Variants in TENM1 observed in about 807,000 individuals in gnomAD.
TENM1 encodes teneurin transmembrane protein 1.
Under a neutral mutation model 174.8 loss-of-function variants are expected in TENM1, and 35 were observed. The observed-to-expected ratio is 0.20, with a 90% confidence interval of 0.15 to 0.27. The LOEUF is 0.27. Ranked by LOEUF, TENM1 falls within the 10% of genes least tolerant of loss-of-function variation. The pLI is 1.00. For missense variants in TENM1, 1,633 were observed against 2,130.1 expected, an observed-to-expected ratio of 0.77 and a Z score of 4.59; for synonymous variants, 781 against 798.7, an observed-to-expected ratio of 0.98 and a Z score of 0.37.
chrX:124,397,490 A>T (rs2060349313), intron 27 of TENM1, among the ~76,000 whole-genome samples: 1 of 112,523 alleles, frequency 8.9e-6, no homozygotes, highest in African/African-American at 3.2e-5. Context: ...CTGTCACTAG[A>T]CAACTGTGTT....
chrX:124,809,533 A>C (rs934595913), intron 3 of TENM1, among the ~76,000 whole-genome samples: 4 of 111,776 alleles, frequency 3.6e-5, no homozygotes, highest in African/African-American at 9.8e-5. Flanking sequence ...ACTTGTGCAA[A>C]TCAGTTAAAT....
chrX:124,498,898 C>T (rs970118828), intron 19 of TENM1, among the ~76,000 whole-genome samples: 5 of 111,183 alleles, frequency 4.5e-5, no homozygotes, highest in Non-Finnish European at 9.4e-5. Context: ...ATTATAAGTG[C>T]TCGGTAAATG....
the TENM1 span, among the ~76,000 whole-genome samples, chrX:124,993,066 G>A: frequency 9.1e-6 from 1 of 110,449 alleles, no homozygotes; most frequent in Non-Finnish European, 1.9e-5. Context: ...CAAACTCTCT[G>A]CTTCTCCCCT....
intron 5 of TENM1, among the ~76,000 whole-genome samples, chrX:124,704,118 T>C (rs2052841257): frequency 8.9e-6 from 1 of 112,481 alleles, no homozygotes; most frequent in African/African-American, 3.2e-5. Context: ...TCTTTTTATC[T>C]GCCACTCAAA....
chrX:124,675,745 A>T (rs7051106), intron 5 of TENM1, among the ~76,000 whole-genome samples: 23,014 of 108,849 alleles, frequency 0.21, 2,729 homozygotes, highest in African/African-American at 0.45. Context: ...TACAACGTTA[A>T]GGGAACAAAC....
At chrX:125,202,005 A>T in the TENM1 span, among the ~76,000 whole-genome samples, 1 of 111,400 alleles carries the variant, frequency 9.0e-6, no homozygotes, top group African/African-American at 3.3e-5. Context: ...ATGCTGGGTA[A>T]TCATGGAGCA....
the TENM1 span, among the ~76,000 whole-genome samples, chrX:125,134,094 T>C: frequency 1.8e-5 from 2 of 111,676 alleles, no homozygotes; most frequent in African/African-American, 3.3e-5. Flanking sequence ...AGACACTAGA[T>C]ATCATCTGAC....
At chrX:124,606,274 G>A (rs1350624868) in intron 11 of TENM1, among the ~76,000 whole-genome samples, 2 of 110,912 alleles carry the variant, frequency 1.8e-5, no homozygotes, top group Non-Finnish European at 3.8e-5. Flanking sequence ...CTGATTTGGT[G>A]TTGAGAGAGT....
At chrX:124,637,503 G>GAATGGT (rs2050909091) in intron 11 of TENM1, among the ~76,000 whole-genome samples, 1 of 110,994 alleles carries the variant, frequency 9.0e-6, no homozygotes, top group African/African-American at 3.3e-5. Flanking sequence ...ACCATTTACC[G>GAATGGT]AATGGTAATG....
intron 27 of TENM1, among the ~76,000 whole-genome samples, chrX:124,403,919 T>G (rs2060430866): frequency 9.0e-6 from 1 of 110,957 alleles, no homozygotes; most frequent in Admixed American, 9.6e-5. Flanking sequence ...TCATTCTCTT[T>G]AAATTAGCCA....
chrX:125,121,721 G>T, the TENM1 span, among the ~76,000 whole-genome samples: 1 of 111,813 alleles, frequency 8.9e-6, no homozygotes, highest in African/African-American at 3.2e-5. Flanking sequence ...ATTTTTAAAA[G>T]AGTTCTGTTT....
rs1315655840 is a variant in TENM1 at position 124,409,717 on chromosome X, C to T, written c.4983-3228G>A. ...TGCAAAAATCACAAGCATTCTTATA[C>T]ACCAATAACAGACAAACAGAGAGCC... On this transcript the variant is annotated intron_variant, in intron 25 of 31. Transcript: ENST00000422452. 1.1e-4 allele frequency among the ~76,000 whole-genome samples: 12 copies of T among 104,834 alleles called. 1 individual carries two copies. Among genetic ancestry groups the T allele is most frequent in the Non-Finnish European group, 2.4e-4 (12 of 50,743 alleles). The allele number at this position is 104,834 out of a possible 115,157, so 91.0% of individuals were successfully genotyped here.
intron 3 of TENM1, among the ~76,000 whole-genome samples, chrX:124,833,188 G>A (rs2056324877): frequency 9.0e-6 from 1 of 111,566 alleles, no homozygotes; most frequent in Non-Finnish European, 1.9e-5. Context: ...CAGTTCAAGA[G>A]GTGTTTACTA....
chrX:125,052,346 G>T, the TENM1 span, among the ~76,000 whole-genome samples: 1 of 111,814 alleles, frequency 8.9e-6, no homozygotes, highest in Non-Finnish European at 1.9e-5. Flanking sequence ...ATGGCTCTTC[G>T]AATGGTTGTT....
intron 5 of TENM1, among the ~76,000 whole-genome samples, chrX:124,682,473 C>A (rs1483930097): frequency 9.0e-6 from 1 of 111,205 alleles, no homozygotes; most frequent in Non-Finnish European, 1.9e-5. Context: ...TCTACTCTAT[C>A]AAATTGATCT....
At chrX:124,575,456 A>G (rs2858429) in intron 11 of TENM1, among the ~76,000 whole-genome samples, 33,679 of 111,041 alleles carry the variant, frequency 0.3, 4,045 homozygotes, top group African/African-American at 0.45. Flanking sequence ...TACAAGCAGC[A>G]TAACAACAGC....
At chrX:125,062,805 C>T in the TENM1 span, among the ~76,000 whole-genome samples, 38,552 of 111,008 alleles carry the variant, frequency 0.35, 6,846 homozygotes, top group African/African-American at 0.69. Context: ...AGCATGGGCA[C>T]ACTCTGAATA....
chrX:124,754,699 G>C (rs373089974), intron 3 of TENM1, among the ~76,000 whole-genome samples: 1 of 108,245 alleles, frequency 9.2e-6, no homozygotes, highest in Non-Finnish European at 1.9e-5. Flanking sequence ...CTTTGTTCTC[G>C]TTGGTTTCAA....
At chrX:124,669,642 T>C (rs1255107327) in intron 6 of TENM1, among the ~76,000 whole-genome samples, 2 of 110,980 alleles carry the variant, frequency 1.8e-5, no homozygotes, top group African/African-American at 6.6e-5. Flanking sequence ...GCAGTTATAG[T>C]TAAGGTTTTG....
Sources: gnomAD v4.1 joint callset for allele counts (sites outside exome capture counted in the v4.1 genomes callset) on GRCh38, gnomAD v4.1.1 for gene constraint, MANE v1.5 for transcripts, NCBI Gene and HGNC (gene_info 2026-07-23, HGNC 2026-07-21) for gene names.